The following ASPSCR1 variants were observed in gnomAD, a reference collection of about 807,000 sequenced individuals.
ASPSCR1 encodes tether containing UBX domain for GLUT4.
Under a neutral mutation model 68.9 loss-of-function variants are expected in ASPSCR1, and 55 were observed. The ratio of observed to expected loss-of-function variants is 0.80; its 90% CI spans 0.64 to 1.00. The LOEUF (loss-of-function observed/expected upper bound fraction) is 1.00, where lower values mean the gene tolerates loss of function less well. Ranked by LOEUF, ASPSCR1 falls within the 50% of genes least tolerant of loss-of-function variation. ASPSCR1 has a pLI of 0.00. For missense variants in ASPSCR1, 765 were observed against 762.2 expected (o/e 1.00, Z -0.04); for synonymous variants, 352 against 332.6 (o/e 1.06, Z -0.63).
chr17:81,990,144 C>T lies in ASPSCR1; in HGVS notation c.374+4537C>T, dbSNP rs915058899. On this transcript the variant is annotated intron_variant, in intron 4 of 15. Transcript: ENST00000306739. The surrounding 1 kb of genome is among the most constrained non-coding windows in gnomAD (Gnocchi z 4.1). ...ACAGGTGTCATTAATTTTAGTAATA[C>T]GTGTAGTTAACTCAGTATACCCAAA... 2.0e-5 allele frequency among the ~76,000 whole-genome samples: 3 copies of T among 152,188 alleles called. No homozygotes were observed. Among genetic ancestry groups the T allele is most frequent in the Admixed American group, 6.5e-5 (1 of 15,278 alleles).
intron 3 of ASPSCR1, among the ~76,000 whole-genome samples, 171 bp from the exon 4 acceptor site, chr17:81,985,336 G>T (rs558210886): frequency 6.6e-6 from 1 of 152,316 alleles, no homozygotes; most frequent in African/African-American, 2.4e-5. Flanking sequence ...GAGCCTCCAA[G>T]GCCCTCACTC....
At position 82,012,101 on chromosome 17, in the gene ASPSCR1, G is replaced by C. The variant is rs1051841608; in HGVS notation, c.1301-130G>C. On this transcript the variant is annotated intron_variant, in intron 11 of 15. Transcript: ENST00000306739. Reference sequence around the variant, plus strand: ...TTCTGCAGCAGGAGTGTGGGCACAGGGCGTGCTCGTGAGGGGCTCTTCTGC... The same window carrying C: ...TTCTGCAGCAGGAGTGTGGGCACAGCGCGTGCTCGTGAGGGGCTCTTCTGC... The C allele has an allele frequency of 5.5e-6, 6 of 1,100,326 alleles. No homozygotes were observed. The Admixed American group carries it at 1.1e-4, about 21-fold the overall frequency. 68.2% of individuals were successfully genotyped at this position (1,100,326 alleles called of 1,614,324 possible).
At chr17:82,015,085 G>A (rs752508603) in intron 12 of ASPSCR1, 1 of 1,597,514 alleles carries the variant, frequency 6.3e-7, no homozygotes, top group Non-Finnish European at 8.5e-7. Context: ...CCCCAGCTTG[G>A]TGACCGGGTG....
At chr17:81,997,931 A>T (rs1436054077) in intron 7 of ASPSCR1, among the ~76,000 whole-genome samples, 4 of 143,212 alleles carry the variant, frequency 2.8e-5, no homozygotes, top group Non-Finnish European at 6.1e-5. Flanking sequence ...GGTTCAAGCG[A>T]TTCTCCTGCC....
chr17:82,004,111 T>G (rs957615982), intron 7 of ASPSCR1, among the ~76,000 whole-genome samples: 1 of 152,168 alleles, frequency 6.6e-6, no homozygotes, highest in African/African-American at 2.4e-5. Context: ...AAAATTACTG[T>G]CAAGAAAAGG....
chr17:82,008,993 C>T, intron 7 of ASPSCR1, 44 bp from the exon 8 acceptor site: 1 of 1,459,074 alleles, frequency 6.9e-7, no homozygotes, highest in Non-Finnish European at 9.0e-7. Flanking sequence ...GTGCGGAGGG[C>T]CCAGCCCGTG....
rs377074899 is a variant in ASPSCR1 at position 81,996,498 on chromosome 17, C to T, written c.585C>T (p.Ala195=). Residue 195 remains alanine (A), a synonymous_variant, in exon 7 of 16, where the codon GCC becomes GCT. Coordinates refer to ENST00000306739, the MANE Select transcript of ASPSCR1 (RefSeq NM_024083.4). ...CGTCAGCGTCGGCTGGCCAGGCAGC[C>T]GCCAGCGCTCCACTTCCCTTGGAAT... is the stretch of plus-strand genomic sequence containing the variant. ...LGSSASAGQA[A]ASAPLPLESG... 4.2e-5 allele frequency: 67 copies of T among 1,612,026 alleles called. No homozygotes were observed. Among genetic ancestry groups the T allele is most frequent in the African/African-American group, 4.1e-4 (31 of 75,052 alleles).
intron 2 of ASPSCR1, chr17:81,982,674 A>C (rs1034137751): frequency 1.3e-5 from 2 of 152,134 alleles, no homozygotes; most frequent in Non-Finnish European, 2.9e-5. Flanking sequence ...TTGCATTTCC[A>C]AAGTGAGGCC....
At position 81,996,574 on chromosome 17, in the gene ASPSCR1, T is replaced by A. The variant is rs1270453037; in HGVS notation, c.661T>A (p.Ser221Thr). ...GAGCCGTCCGGAGGACGCGGACACC[T>A]CAGGGCCCTGCTGCGAGCACACTCA... ...DLSRPEDADTSGPCCEHTQEK... is the reference protein window; with the variant it reads ...DLSRPEDADTTGPCCEHTQEK... The change falls in exon 7 of 16, where the codon TCA (serine) becomes ACA (threonine). Residue 221 changes from serine to threonine, a missense_variant. By Grantham distance (58) the Ser-to-Thr change is moderately conservative. Transcript: ENST00000306739. 6.2e-7 allele frequency: 1 copy of A among 1,612,166 alleles called. No homozygotes were observed. Among genetic ancestry groups the A allele is most frequent in the Non-Finnish European group, 8.5e-7 (1 of 1,179,108 alleles).
rs539253212 is a variant in ASPSCR1, at chr17:81,996,046, G to T, written c.487G>T (p.Gly163Trp). 3.1e-6 allele frequency: 5 copies of T among 1,608,830 alleles called. No homozygotes were observed. Among genetic ancestry groups the T allele is most frequent in the Non-Finnish European group, 3.4e-6 (4 of 1,178,640 alleles). ...GTTLQSLGLTGGSATIRFVMK... is the reference protein window; with the variant it reads ...GTTLQSLGLTWGSATIRFVMK... Reference sequence around the variant, plus strand: ...GACGCTGCAGTCGCTGGGCCTGACCGGGGGCAGCGCCACCATCAGGTAAGG... The same window carrying T: ...GACGCTGCAGTCGCTGGGCCTGACCTGGGGCAGCGCCACCATCAGGTAAGG... The change falls in exon 6 of 16, where the codon GGG becomes TGG. Residue 163 changes from glycine to tryptophan, a missense_variant. Gly to Trp is a radical substitution (Grantham distance 184). Coordinates refer to ENST00000306739, the MANE Select transcript of ASPSCR1 (RefSeq NM_024083.4).
rs887763440 is a variant in ASPSCR1 at position 81,987,939 on chromosome 17, C to T, written c.374+2332C>T. Among the ~76,000 whole-genome samples the T allele has an allele frequency of 6.6e-6, 1 of 152,040 alleles. No individual in the cohort carries two copies. Among genetic ancestry groups the T allele is most frequent in the Admixed American group, 6.6e-5 (1 of 15,238 alleles). The stretch of plus-strand genomic sequence containing the variant: ...CTTTGGGAGGCTGAGGCGGGTGGAT[C>T]ACGAGGTCAGGAGTTCGAGACCAGC... On this transcript the variant is annotated intron_variant, in intron 4 of 15. Transcript: ENST00000306739. The surrounding 1 kb of genome is among the most constrained non-coding windows in gnomAD (Gnocchi z 5.6).
rs2042022723 is a variant in ASPSCR1, at chr17:81,987,167, CA to C, written c.374+1561del. Among the ~76,000 whole-genome samples the C allele has an allele frequency of 6.7e-6, 1 of 150,072 alleles. No individual in the cohort carries two copies. The highest frequency in any genetic ancestry group is 1.5e-5 in the Non-Finnish European group (1 of 67,832). ...CCTAAGAGCAAAGCGAAGCCACGGG[CA>C]GGGGTGAGCGGGACCCGAGGCAGGA... On this transcript the variant is annotated intron_variant, in intron 4 of 15. Coordinates refer to ENST00000306739, the MANE Select transcript of ASPSCR1 (RefSeq NM_024083.4). The surrounding 1 kb of genome is among the most constrained non-coding windows in gnomAD (Gnocchi z 5.6).
At position 81,983,181 on chromosome 17, in the gene ASPSCR1, C is replaced by T. The variant is rs1026248196; in HGVS notation, c.159-373C>T. On this transcript the variant is annotated intron_variant, in intron 2 of 15. Coordinates refer to ENST00000306739, the MANE Select transcript of ASPSCR1 (RefSeq NM_024083.4). The surrounding 1 kb of genome is among the most constrained non-coding windows in gnomAD (Gnocchi z 4.4). Reference sequence around the variant, plus strand: ...CTGTGGTGGCTCCAGCCGTGACGGCCGGGGTCTGTGACACTCCAGCTTCCG... The same window carrying T: ...CTGTGGTGGCTCCAGCCGTGACGGCTGGGGTCTGTGACACTCCAGCTTCCG... Among the ~76,000 whole-genome samples, 1 of 152,204 alleles carries T rather than the reference C, an allele frequency of 6.6e-6. No individual in the cohort carries two copies. Among genetic ancestry groups the T allele is most frequent in the African/African-American group, 2.4e-5 (1 of 41,462 alleles).
chr17:81,978,144 C>A lies in ASPSCR1; in HGVS notation c.102+396C>A, dbSNP rs556739666. On this transcript the variant is annotated intron_variant, in intron 1 of 15. Coordinates refer to ENST00000306739, the MANE Select transcript of ASPSCR1 (RefSeq NM_024083.4). ...CCCGGGTTGCGCGGTGGCAGATGTC[C>A]CGGCCGTGGGGCCTGGAAGCGATTT... 1.0e-4 allele frequency: 16 copies of A among 156,756 alleles called. No homozygotes were observed. In the South Asian group the frequency reaches 3.1e-3, roughly 30 times the overall value. The allele number at this position is 156,756 out of a possible 1,614,324, so 9.7% of individuals were successfully genotyped here.
intron 7 of ASPSCR1, among the ~76,000 whole-genome samples, chr17:82,003,252 C>A (rs1567980126): frequency 1.3e-5 from 2 of 152,306 alleles, no homozygotes; most frequent in East Asian, 3.9e-4. Flanking sequence ...TTTAGACCAG[C>A]CTGGGCAACA....
Position 81,983,888 on chromosome 17 carries a change from C to T in ASPSCR1, c.273+220C>T, listed in dbSNP as rs34821926. 6.0e-5 allele frequency among the ~76,000 whole-genome samples: 9 copies of T among 150,960 alleles called. No homozygotes were observed. The South Asian group carries it at 1.7e-3, about 28-fold the overall frequency. ...TTTTTTTTTTTTTGAGCTGGAGTCTCGCTCTGTCGCCCAGGCTGGAGCTCA... is the reference window on the plus strand; with the variant it reads ...TTTTTTTTTTTTTGAGCTGGAGTCTTGCTCTGTCGCCCAGGCTGGAGCTCA... On this transcript the variant is annotated intron_variant, in intron 3 of 15. Coordinates refer to ENST00000306739, the MANE Select transcript of ASPSCR1 (RefSeq NM_024083.4). The surrounding 1 kb of genome is among the most constrained non-coding windows in gnomAD (Gnocchi z 4.4).
chr17:81,983,643 G>A lies in ASPSCR1; in HGVS notation c.248G>A (p.Arg83Gln), dbSNP rs758004935. The A allele has an allele frequency of 7.4e-6, 12 of 1,612,524 alleles. No homozygotes were observed. The highest frequency in any genetic ancestry group is 2.7e-5 in the African/African-American group (2 of 74,670). Residue 83 changes from arginine to glutamine, a missense_variant, in exon 3 of 16, where the codon CGG (arginine) becomes CAG (glutamine). Coordinates refer to ENST00000306739, the MANE Select transcript of ASPSCR1 (RefSeq NM_024083.4). The surrounding 1 kb of genome is among the most constrained non-coding windows in gnomAD (Gnocchi z 4.4). ...NAKLEMVPAS[R>Q]SREGPENMVR... Reference sequence around the variant, plus strand: ...AAGCTGGAGATGGTGCCCGCTTCCCGGAGCCGTGAGGGGCCTGAGAACATG... The same window carrying A: ...AAGCTGGAGATGGTGCCCGCTTCCCAGAGCCGTGAGGGGCCTGAGAACATG...
Position 81,995,972 on chromosome 17 carries a change from C to T in ASPSCR1, c.433-20C>T. 3 of 1,605,704 alleles carry T rather than the reference C, an allele frequency of 1.9e-6. No homozygotes were observed. The highest frequency in any genetic ancestry group is 8.5e-7 in the Non-Finnish European group (1 of 1,177,422). ...GGGTCCCGGTGCAAGGCGCACCTGT[C>T]CTGGCTGCTCCTCCTGCAGGTGACG... On this transcript the variant is annotated intron_variant, in intron 5 of 15. Transcript: ENST00000306739.
intron 4 of ASPSCR1, 83 bp downstream of exon 4, chr17:81,985,690 GAC>G: frequency 7.2e-7 from 1 of 1,395,948 alleles, no homozygotes; most frequent in Non-Finnish European, 1.0e-6. Context: ...TTCAGAGCTG[GAC>G]ACCCAAGCTC....
Sources: gnomAD v4.1 joint callset for allele counts (sites outside exome capture counted in the v4.1 genomes callset) on GRCh38, gnomAD v4.1.1 for gene constraint, Gnocchi (gnomAD v3.1) non-coding constraint, MANE v1.5 for transcripts, NCBI Gene and HGNC (gene_info 2026-07-23, HGNC 2026-07-21) for gene names.